EYS: variants seen among roughly 807,000 people sequenced by gnomAD.
EYS encodes protein eyes shut homolog.
EYS carries 250 observed loss-of-function variants against 282.1 expected under a neutral mutation model. The ratio of observed to expected loss-of-function variants is 0.89; its 90% CI spans 0.80 to 0.98. EYS has a LOEUF of 0.98. Among genes scored for constraint, EYS ranks in the 50% least tolerant of loss-of-function variants. The pLI is 0.00. For missense variants in EYS, 4,016 were observed against 3,709.0 expected (o/e 1.08, Z -2.15); for synonymous variants, 1,355 against 1,282.9 (o/e 1.06, Z -1.20).
At chr6:64,391,651 G>C (rs1175403882) in intron 28 of EYS, among the ~76,000 whole-genome samples, 1 of 152,030 alleles carries the variant, frequency 6.6e-6, no homozygotes, top group East Asian at 1.9e-4. Flanking sequence ...GGAACAACCC[G>C]TACCAGCCGC....
At chr6:65,278,037 C>CTTTTCTTTTCTTTTCTT (rs1562067534) in intron 12 of EYS, among the ~76,000 whole-genome samples, 2 of 123,944 alleles carry the variant, frequency 1.6e-5, no homozygotes, top group Non-Finnish European at 3.6e-5. Flanking sequence ...TTTTCCTTTT[C>CTTTTCTTTTCTTTTCTT]TTTTCTTTTC....
chr6:64,322,263 T>C (rs569867223), intron 29 of EYS, among the ~76,000 whole-genome samples: 2 of 152,020 alleles, frequency 1.3e-5, no homozygotes, highest in East Asian at 3.9e-4. Context: ...ACCTAGAGGG[T>C]TTACTTTTTC....
chr6:63,908,276 A>G (rs1169807239), intron 35 of EYS, among the ~76,000 whole-genome samples: 1 of 151,900 alleles, frequency 6.6e-6, no homozygotes, highest in Non-Finnish European at 1.5e-5. Flanking sequence ...CATCTTATAC[A>G]GTTAGAATGG....
intron 2 of EYS, among the ~76,000 whole-genome samples, chr6:65,502,838 ATCT>A (rs1254332048): frequency 6.6e-6 from 1 of 151,656 alleles, no homozygotes; most frequent in African/African-American, 2.4e-5. Context: ...CAGAAGTAAA[ATCT>A]TCTTTAAGAA....
In EYS at chr6:64,859,687, T is replaced by A. The variant is rs545131845; in HGVS notation, c.2992+27010A>T. Among the ~76,000 whole-genome samples, 46 of 152,306 alleles carry A rather than the reference T, an allele frequency of 3.0e-4. 1 individual carries two copies. Among genetic ancestry groups the A allele is most frequent in the African/African-American group, 1.1e-3 (45 of 41,570 alleles). ...GCCATGTGAGATGTGCCTTTCACTT[T>A]CCCCTGTGATTGTGAGGCCTCCCCA... On this transcript the variant is annotated intron_variant, in intron 19 of 42. Coordinates refer to ENST00000503581, the MANE Select transcript of EYS (RefSeq NM_001142800.2).
chr6:65,586,401 G>A lies in EYS; in HGVS notation c.-333+53377C>T, dbSNP rs186679908. Among the ~76,000 whole-genome samples the A allele has an allele frequency of 6.6e-5, 10 of 151,912 alleles. No individual in the cohort carries two copies. The South Asian group carries it at 1.7e-3, about 25-fold the overall frequency. On this transcript the variant is annotated intron_variant, in intron 2 of 42. Transcript: ENST00000503581. ...CTATGAATAATTTTATAACCAAAAG[G>A]GGCAACTATTGAGATGCTGGAGATT... is the stretch of plus-strand genomic sequence containing the variant.
At chr6:64,505,843 G>T (rs1202223958) in intron 26 of EYS, among the ~76,000 whole-genome samples, 2 of 152,116 alleles carry the variant, frequency 1.3e-5, no homozygotes, top group East Asian at 3.9e-4. Flanking sequence ...ATCTGAACTT[G>T]CTTTTTGGTA....
chr6:64,770,659 T>C (rs1164742136), intron 22 of EYS, among the ~76,000 whole-genome samples: 1 of 151,926 alleles, frequency 6.6e-6, no homozygotes, highest in African/African-American at 2.4e-5. Flanking sequence ...ACTTTGAAGG[T>C]ATGCAACATC....
chr6:64,494,989 C>T (rs1776848016), intron 26 of EYS, among the ~76,000 whole-genome samples: 2 of 151,630 alleles, frequency 1.3e-5, no homozygotes, highest in African/African-American at 4.8e-5. Flanking sequence ...TCTGTTACTA[C>T]TTAAAAACTG....
intron 14 of EYS, among the ~76,000 whole-genome samples, chr6:64,950,473 A>G (rs116454166): frequency 0.012 from 1,831 of 151,854 alleles, 39 homozygotes; most frequent in African/African-American, 0.042. Context: ...TCAAAAAAAC[A>G]TAAATTTAGA....
chr6:64,978,346 T>C (rs1039966315), intron 14 of EYS, among the ~76,000 whole-genome samples: 2 of 151,942 alleles, frequency 1.3e-5, no homozygotes, highest in African/African-American at 4.8e-5. Context: ...ACAGCACATC[T>C]GTTTACAGCA....
chr6:64,891,810 TATA>T (rs1186766317), intron 18 of EYS, among the ~76,000 whole-genome samples: 1 of 152,138 alleles, frequency 6.6e-6, no homozygotes, highest in South Asian at 2.1e-4. Flanking sequence ...AATATACATA[TATA>T]ATAATATCTT....
At position 64,912,663 on chromosome 6, in the gene EYS, C is replaced by CCATTCATGCATGGATCAGAGTCG. The variant is rs1454537248; in HGVS notation, c.2439_2461dup (p.Gly821AlafsTer7). The CCATTCATGCATGGATCAGAGTCG allele has an allele frequency of 6.5e-7, 1 of 1,547,170 alleles. No homozygotes were observed. Among genetic ancestry groups the CCATTCATGCATGGATCAGAGTCG allele is most frequent in the African/African-American group, 1.4e-5 (1 of 72,960 alleles). The stretch of plus-strand genomic sequence containing the variant: ...GATGGTAGATTCATGACAAAGACCT[C>CCATTCATGCATGGATCAGAGTCG]CATTCATGCATGGATCAGAGTCGCA... On this transcript the variant is annotated stop_gained and frameshift_variant, in exon 16 of 43. Coordinates refer to ENST00000503581, the MANE Select transcript of EYS (RefSeq NM_001142800.2). LOFTEE classifies it high-confidence loss of function.
At chr6:64,640,446 A>G (rs1768094541) in intron 22 of EYS, among the ~76,000 whole-genome samples, 1 of 152,112 alleles carries the variant, frequency 6.6e-6, no homozygotes, top group Admixed American at 6.6e-5. Context: ...TGGAAATATC[A>G]TTCTCAGTAA....
chr6:64,460,949 T>C (rs145039850), intron 26 of EYS, among the ~76,000 whole-genome samples: 1 of 152,214 alleles, frequency 6.6e-6, no homozygotes, highest in Non-Finnish European at 1.5e-5. Context: ...TTCTCAAAAT[T>C]TGGGGATATA....
At chr6:63,943,288 A>G (rs1421527165) in intron 35 of EYS, among the ~76,000 whole-genome samples, 1 of 152,248 alleles carries the variant, frequency 6.6e-6, no homozygotes, top group Non-Finnish European at 1.5e-5. Flanking sequence ...ACTCAGAGTT[A>G]ACTTACTTAG....
intron 36 of EYS, among the ~76,000 whole-genome samples, chr6:63,837,525 C>T (rs1406948461): frequency 6.6e-6 from 1 of 152,064 alleles, no homozygotes; most frequent in African/African-American, 2.4e-5. Context: ...CCAAATGGTA[C>T]TCTAACCTTC....
At chr6:63,732,622 C>T (rs1301432327) in intron 41 of EYS, among the ~76,000 whole-genome samples, 5 of 152,124 alleles carry the variant, frequency 3.3e-5, no homozygotes, top group Non-Finnish European at 4.4e-5. Context: ...TAAAAATGAT[C>T]ACTTTGTGGT....
intron 5 of EYS, 42 bp downstream of exon 5, chr6:65,490,550 TAA>T (rs758993831): frequency 9.8e-7 from 1 of 1,018,628 alleles, no homozygotes; most frequent in Admixed American, 1.8e-5. Context: ...TAGATAAAAT[TAA>T]AGTTACTTGT....
Sources: allele counts gnomAD v4.1 joint callset (sites outside exome capture counted in the v4.1 genomes callset), GRCh38; gene constraint gnomAD v4.1.1; transcripts MANE v1.5; gene names NCBI Gene and HGNC (gene_info 2026-07-23, HGNC 2026-07-21).